BCAS3: variants seen among roughly 807,000 people sequenced by gnomAD.
The protein encoded by BCAS3 is BCAS4/BCAS3 fusion.
Under a neutral mutation model 116.1 loss-of-function variants are expected in BCAS3, and 53 were observed. That is an observed-to-expected ratio of 0.46 (90% CI 0.37 to 0.57). BCAS3 has a LOEUF of 0.57. BCAS3 is among the 20% of genes least tolerant of loss of function. The probability of loss-of-function intolerance (pLI) is 0.00; values close to 1 mark genes in which losing one functional copy is unlikely to be tolerated. For missense variants in BCAS3, 917 were observed against 1,165.4 expected, an observed-to-expected ratio of 0.79 and a Z score of 3.10; for synonymous variants, 391 against 408.2, an observed-to-expected ratio of 0.96 and a Z score of 0.51.
rs552244431 is a variant in BCAS3 at position 61,243,399 on chromosome 17, A to G, written c.2426-124928A>G. On this transcript the variant is annotated intron_variant, in intron 22 of 23. Coordinates refer to ENST00000407086, the MANE Select transcript of BCAS3 (RefSeq NM_017679.5). The surrounding 1 kb of genome is among the most constrained non-coding windows in gnomAD (Gnocchi z 5.6). Reference sequence around the variant, plus strand: ...ATGGATGGACATTTAGTTTGCTTCTACATCTTGACTATTGTGCATAATGCT... The same window carrying G: ...ATGGATGGACATTTAGTTTGCTTCTGCATCTTGACTATTGTGCATAATGCT... Among the ~76,000 whole-genome samples the G allele has an allele frequency of 9.8e-5, 15 of 152,338 alleles. No individual in the cohort carries two copies. Among genetic ancestry groups the G allele is most frequent in the African/African-American group, 3.6e-4 (15 of 41,580 alleles).
intron 14 of BCAS3, among the ~76,000 whole-genome samples, chr17:60,974,638 T>C (rs770057142): frequency 2.6e-5 from 4 of 152,182 alleles, no homozygotes. Context: ...AAATTTTATA[T>C]CATTATAATG....
intron 9 of BCAS3, 79 bp from the exon 10 acceptor site, chr17:60,889,616 T>A: frequency 8.6e-7 from 1 of 1,163,248 alleles, no homozygotes. Context: ...ATTTTTCTGT[T>A]TTTCTGGCAT....
chr17:60,720,623 T>TAA (rs2039132579), intron 5 of BCAS3, among the ~76,000 whole-genome samples: 1 of 152,286 alleles, frequency 6.6e-6, no homozygotes, highest in African/African-American at 2.4e-5. Flanking sequence ...TAAAAAATAA[T>TAA]TCAACAATAA....
chr17:60,738,157 G>T (rs2041164323), intron 5 of BCAS3, among the ~76,000 whole-genome samples: 1 of 152,184 alleles, frequency 6.6e-6, no homozygotes, highest in South Asian at 2.1e-4. Context: ...TTCCATGTCT[G>T]CCTGAAGAAT....
At position 61,140,364 on chromosome 17, in the gene BCAS3, A is replaced by G. The variant is rs1001020695; in HGVS notation, c.2425+55800A>G. Among the ~76,000 whole-genome samples the G allele has an allele frequency of 2.0e-5, 3 of 152,244 alleles. No homozygotes were observed. The highest frequency in any genetic ancestry group is 7.2e-5 in the African/African-American group (3 of 41,466). ...CTGTGGAAGATCCAACTGTCAAGGA[A>G]GGTTAGGACCAGACTCTGAAAGTAG... On this transcript the variant is annotated intron_variant, in intron 22 of 23. Coordinates refer to ENST00000407086, the MANE Select transcript of BCAS3 (RefSeq NM_017679.5). This position sits in a 1 kb window ranked among gnomAD's most constrained non-coding sequence, Gnocchi z 4.2.
chr17:60,795,371 A>G (rs1308161033), intron 6 of BCAS3, among the ~76,000 whole-genome samples: 1 of 152,186 alleles, frequency 6.6e-6, no homozygotes, highest in Non-Finnish European at 1.5e-5. Context: ...AAACAGTGAC[A>G]GTTTGATTCC....
At chr17:60,987,219 T>C (rs900342844) in intron 14 of BCAS3, 1 of 152,100 alleles carries the variant, frequency 6.6e-6, no homozygotes, top group Non-Finnish European at 1.5e-5. Context: ...TACCATGCTG[T>C]TTCAGTTACT....
chr17:60,690,650 T>C (rs1392164978), intron 4 of BCAS3, among the ~76,000 whole-genome samples: 1 of 144,458 alleles, frequency 6.9e-6, no homozygotes, highest in Non-Finnish European at 1.5e-5. Flanking sequence ...GCTGAGCACT[T>C]TGGCTCATGC....
At chr17:61,271,424 A>ATTTTGTTTTTTTTTTTTTTTTT (rs2050246036) in intron 22 of BCAS3, among the ~76,000 whole-genome samples, 1 of 70,224 alleles carries the variant, frequency 1.4e-5, no homozygotes, top group Non-Finnish European at 2.4e-5. Flanking sequence ...CCATGCCCGG[A>ATTTTGTTTTTTTTTTTTTTTTT]TTTTTTTTTT....
chr17:61,304,203 G>A (rs2053659382), intron 22 of BCAS3, among the ~76,000 whole-genome samples: 1 of 152,006 alleles, frequency 6.6e-6, no homozygotes, highest in Admixed American at 6.6e-5. Context: ...TAATTATCTG[G>A]TCTTCCCACC....
rs2081091402 is a variant in BCAS3 at position 61,205,864 on chromosome 17, CG to C, written c.2425+121303del. On this transcript the variant is annotated intron_variant, in intron 22 of 23. Transcript: ENST00000407086. The surrounding 1 kb of genome is among the most constrained non-coding windows in gnomAD (Gnocchi z 5.2). The stretch of plus-strand genomic sequence containing the variant: ...GTATTCTTAGGGTGTGAAACTGTTT[CG>C]GGAGCAAAAGATAAGGCAAACACAA... Among the ~76,000 whole-genome samples, 1 of 152,094 alleles carries C rather than the reference CG, an allele frequency of 6.6e-6. No homozygotes were observed.
At chr17:61,317,012 C>A (rs2054804854) in intron 22 of BCAS3, among the ~76,000 whole-genome samples, 1 of 152,170 alleles carries the variant, frequency 6.6e-6, no homozygotes, top group Non-Finnish European at 1.5e-5. Context: ...GTTCGGGAGG[C>A]TTCAACAGTT....
Position 60,783,007 on chromosome 17 carries a change from T to G in BCAS3, c.404-24997T>G, listed in dbSNP as rs555649436. ...CATAAATATAGGTCTTTCTAGGGAC[T>G]GGAAGGGATGAATAGCCAGAGCACA... is the stretch of plus-strand genomic sequence containing the variant. On this transcript the variant is annotated intron_variant, in intron 6 of 23. Transcript: ENST00000407086. 7.9e-5 allele frequency among the ~76,000 whole-genome samples: 12 copies of G among 152,262 alleles called. No individual in the cohort carries two copies. In the South Asian group the frequency reaches 2.5e-3, roughly 32 times the overall value.
intron 21 of BCAS3, among the ~76,000 whole-genome samples, chr17:61,081,171 C>G (rs1231717281): frequency 6.6e-6 from 1 of 152,184 alleles, no homozygotes; most frequent in Non-Finnish European, 1.5e-5. Flanking sequence ...CTCTTCACAA[C>G]TATATAACAC....
Position 60,960,433 on chromosome 17 carries a change from G to A in BCAS3, c.1221+13081G>A, listed in dbSNP as rs951024574. On this transcript the variant is annotated intron_variant, in intron 14 of 23. Coordinates refer to ENST00000407086, the MANE Select transcript of BCAS3 (RefSeq NM_017679.5). The surrounding 1 kb of genome is among the most constrained non-coding windows in gnomAD (Gnocchi z 4.1). ...GCCAAAATACAGTAGTAGGATATGC[G>A]TAGGATAGACATTTCAAAAGGAAGA... is the stretch of plus-strand genomic sequence containing the variant. Among the ~76,000 whole-genome samples the A allele has an allele frequency of 6.6e-5, 10 of 152,060 alleles. No individual in the cohort carries two copies. The highest frequency in any genetic ancestry group is 1.4e-4 in the African/African-American group (6 of 41,434).
chr17:61,059,063 C>CTTTTT lies in BCAS3; in HGVS notation c.2030-15824_2030-15820dup, dbSNP rs869090870. Among the ~76,000 whole-genome samples, 80 of 32,802 alleles carry CTTTTT rather than the reference C, an allele frequency of 2.4e-3. 19 individuals carry two copies. Among genetic ancestry groups the CTTTTT allele is most frequent in the South Asian group, 4.0e-3 (3 of 752 alleles). 21.5% of individuals were successfully genotyped at this position (32,802 alleles called of 152,430 possible). On this transcript the variant is annotated intron_variant, in intron 19 of 23. Coordinates refer to ENST00000407086, the MANE Select transcript of BCAS3 (RefSeq NM_017679.5). ...TCCCCGAACTCTTTTTTCTCCCCAT[C>CTTTTT]TTTTTTTTTTTTTTTTTTTTTTTTT...
At chr17:60,835,345 C>T (rs571896412) in intron 7 of BCAS3, among the ~76,000 whole-genome samples, 22 of 152,032 alleles carry the variant, frequency 1.4e-4, no homozygotes, top group South Asian at 1.0e-3. Context: ...TACATGAATA[C>T]CGAAGGCAGA....
intron 22 of BCAS3, among the ~76,000 whole-genome samples, chr17:61,107,138 G>A (rs1368938574): frequency 6.9e-6 from 1 of 144,910 alleles, no homozygotes; most frequent in Non-Finnish European, 1.5e-5. Flanking sequence ...CCAGGCTGGA[G>A]TGAAGTGGTG....
intron 7 of BCAS3, among the ~76,000 whole-genome samples, chr17:60,842,785 A>C (rs2052077441): frequency 6.6e-6 from 1 of 151,258 alleles, no homozygotes; most frequent in Non-Finnish European, 1.5e-5. Flanking sequence ...ATTCCTCCAT[A>C]TTTACAGGCT....
Sources: gnomAD v4.1 joint callset for allele counts (sites outside exome capture counted in the v4.1 genomes callset) on GRCh38, gnomAD v4.1.1 for gene constraint, Gnocchi (gnomAD v3.1) non-coding constraint, MANE v1.5 for transcripts, NCBI Gene and HGNC (gene_info 2026-07-23, HGNC 2026-07-21) for gene names.